Variants in RAB3B observed in about 807,000 individuals in gnomAD.
RAB3B encodes ras-related protein Rab-3B.
RAB3B carries 11 observed loss-of-function variants against 20.5 expected under a neutral mutation model. The observed-to-expected ratio is 0.54, with a 90% CI of 0.34 to 0.89. RAB3B has a LOEUF of 0.89. RAB3B is among the 40% of genes least tolerant of loss of function. RAB3B has a pLI of 0.02. For missense variants in RAB3B, 225 were observed against 280.9 expected, an observed-to-expected ratio of 0.80 and a Z score of 1.42; for synonymous variants, 99 against 106.3, an observed-to-expected ratio of 0.93 and a Z score of 0.42.
chr1:51,947,646 CA>C (rs1385188656), intron 2 of RAB3B, among the ~76,000 whole-genome samples: 1 of 152,150 alleles, frequency 6.6e-6, no homozygotes, highest in Non-Finnish European at 1.5e-5. Context: ...ACACACTCTT[CA>C]TTTCTTCGTA....
At chr1:51,928,250 GC>G (rs1193122695) in intron 4 of RAB3B, among the ~76,000 whole-genome samples, 2 of 152,142 alleles carry the variant, frequency 1.3e-5, no homozygotes, top group Admixed American at 1.3e-4. Flanking sequence ...GGGATTACAG[GC>G]ATGCACCACC....
intron 2 of RAB3B, among the ~76,000 whole-genome samples, chr1:51,949,362 G>A (rs536537764): frequency 5.4e-4 from 82 of 152,230 alleles, no homozygotes; most frequent in Non-Finnish European, 2.6e-4. Context: ...CCATTACACC[G>A]GCACAGGATT....
Position 51,914,906 on chromosome 1 carries a change from G to A in RAB3B, c.*5021C>T, listed in dbSNP as rs1684060778. ...TGGCCGGCAGGAGCAGGTGATATGA[G>A]TTGGGGAGTCAGGTCTGGAGAATGG... On this transcript the variant is annotated 3_prime_UTR_variant, in exon 5 of 5. Coordinates refer to ENST00000371655, the MANE Select transcript of RAB3B (RefSeq NM_002867.4). The A allele has an allele frequency of 6.6e-6, 1 of 152,204 alleles. No homozygotes were observed. Among genetic ancestry groups the A allele is most frequent in the Admixed American group, 6.5e-5 (1 of 15,288 alleles). 9.4% of individuals were successfully genotyped at this position (152,204 alleles called of 1,614,324 possible).
intron 1 of RAB3B, among the ~76,000 whole-genome samples, chr1:51,977,918 A>G (rs1685031489): frequency 6.6e-6 from 1 of 152,212 alleles, no homozygotes; most frequent in Non-Finnish European, 1.5e-5. Context: ...AATTCTCTAA[A>G]CTTTATCTTC....
At chr1:51,970,758 C>A (rs1036884632) in intron 2 of RAB3B, among the ~76,000 whole-genome samples, 4 of 151,772 alleles carry the variant, frequency 2.6e-5, no homozygotes, top group African/African-American at 9.7e-5. Context: ...ATAATCCCAG[C>A]ACTTTGGGAG....
chr1:51,921,876 C>T (rs1317562599), intron 4 of RAB3B, among the ~76,000 whole-genome samples: 4 of 152,254 alleles, frequency 2.6e-5, no homozygotes, highest in African/African-American at 9.6e-5. Flanking sequence ...CCCCCTCCCT[C>T]TTTCTCCCTA....
intron 1 of RAB3B, chr1:51,980,913 C>T (rs1247794450): frequency 2.0e-6 from 1 of 493,330 alleles, no homozygotes; most frequent in African/African-American, 2.0e-5. Context: ...TATTTTAATA[C>T]TATGTTTTAT....
rs190884435 is a variant in RAB3B at position 51,979,781 on chromosome 1, C to T, written c.1-2664G>A. 4.2e-3 allele frequency among the ~76,000 whole-genome samples: 644 copies of T among 152,160 alleles called. 1 individual carries two copies. The highest frequency in any genetic ancestry group is 0.01 in the Middle Eastern group (3 of 294). ...ACTGACGGCTGGGCACGGTGGCTCA[C>T]GCCTGTAATCCCAGCACTTTGGGAG... is the stretch of plus-strand genomic sequence containing the variant. On this transcript the variant is annotated intron_variant, in intron 1 of 4. Coordinates refer to ENST00000371655, the MANE Select transcript of RAB3B (RefSeq NM_002867.4).
At chr1:51,968,969 A>T (rs1684892095) in intron 2 of RAB3B, among the ~76,000 whole-genome samples, 1 of 152,108 alleles carries the variant, frequency 6.6e-6, no homozygotes, top group African/African-American at 2.4e-5. Context: ...TTTGGAACCC[A>T]TGGTCACTCT....
intron 2 of RAB3B, among the ~76,000 whole-genome samples, chr1:51,965,651 A>G (rs2124295706): frequency 6.6e-6 from 1 of 152,262 alleles, no homozygotes; most frequent in East Asian, 1.9e-4. Context: ...CATCTCAAAA[A>G]AAAAAAAAAG....
At chr1:51,962,655 ACT>A (rs1284161823) in intron 2 of RAB3B, among the ~76,000 whole-genome samples, 2 of 152,052 alleles carry the variant, frequency 1.3e-5, no homozygotes, top group African/African-American at 4.8e-5. Context: ...CTTTTCTAAC[ACT>A]GTCTCCTCCC....
At chr1:51,927,221 G>C (rs1170218055) in intron 4 of RAB3B, among the ~76,000 whole-genome samples, 1 of 152,122 alleles carries the variant, frequency 6.6e-6, no homozygotes, top group Non-Finnish European at 1.5e-5. Context: ...AGAGTCTGTG[G>C]GGTCTGAGTC....
Position 51,916,330 on chromosome 1 carries a change from A to G in RAB3B, c.*3597T>C, listed in dbSNP as rs1430977863. The G allele has an allele frequency of 6.6e-6, 1 of 152,216 alleles. No individual in the cohort carries two copies. Among genetic ancestry groups the G allele is most frequent in the Non-Finnish European group, 1.5e-5 (1 of 68,030 alleles). 9.4% of individuals were successfully genotyped at this position (152,216 alleles called of 1,614,324 possible). ...TGGCTCCTGAGTTTTACAGAATTTGACAGTTTTAAAGAAAACGATTTCATC... is the reference window on the plus strand; with the variant it reads ...TGGCTCCTGAGTTTTACAGAATTTGGCAGTTTTAAAGAAAACGATTTCATC... On this transcript the variant is annotated 3_prime_UTR_variant, in exon 5 of 5. Coordinates refer to ENST00000371655, the MANE Select transcript of RAB3B (RefSeq NM_002867.4).
At chr1:51,925,812 A>G (rs1045453542) in intron 4 of RAB3B, among the ~76,000 whole-genome samples, 1 of 152,246 alleles carries the variant, frequency 6.6e-6, no homozygotes, top group African/African-American at 2.4e-5. Context: ...TCTTTAAACC[A>G]GAAGGAATTG....
intron 4 of RAB3B, among the ~76,000 whole-genome samples, chr1:51,923,622 G>A (rs985646215): frequency 3.3e-5 from 5 of 151,358 alleles, no homozygotes; most frequent in Non-Finnish European, 5.9e-5. Flanking sequence ...GGCTGAGGCA[G>A]AAGAATTGCT....
chr1:51,985,276 A>T (rs1421811315), intron 1 of RAB3B, among the ~76,000 whole-genome samples: 1 of 152,062 alleles, frequency 6.6e-6, no homozygotes, highest in East Asian at 1.9e-4. Flanking sequence ...GGCCTGTTTT[A>T]CAATTAACTG....
intron 4 of RAB3B, among the ~76,000 whole-genome samples, chr1:51,931,867 A>T (rs1013152677): frequency 2.0e-5 from 3 of 152,014 alleles, no homozygotes; most frequent in Non-Finnish European, 4.4e-5. Context: ...AAGCAGATGA[A>T]ATATAGTCAG....
At chr1:51,975,879 C>T (rs1245770794) in intron 2 of RAB3B, among the ~76,000 whole-genome samples, 1 of 152,050 alleles carries the variant, frequency 6.6e-6, no homozygotes, top group African/African-American at 2.4e-5. Flanking sequence ...GTAGTCCCAG[C>T]TACTCGGGAG....
At chr1:51,961,950 T>C (rs1430834680) in intron 2 of RAB3B, among the ~76,000 whole-genome samples, 2 of 152,086 alleles carry the variant, frequency 1.3e-5, no homozygotes, top group Non-Finnish European at 2.9e-5. Flanking sequence ...TTTTGTATTT[T>C]TAGTAGAGAC....
Sources: allele counts gnomAD v4.1 joint callset (sites outside exome capture counted in the v4.1 genomes callset), GRCh38; gene constraint gnomAD v4.1.1; transcripts MANE v1.5; gene names NCBI Gene and HGNC (gene_info 2026-07-23, HGNC 2026-07-21).